The following TNKS variants were observed in gnomAD, a reference collection of about 807,000 sequenced individuals.
TNKS encodes the protein tankyrase.
A neutral mutation model predicts 135.8 loss-of-function variants in TNKS; 72 were observed. The ratio of observed to expected loss-of-function variants is 0.53; its 90% CI spans 0.44 to 0.64. The LOEUF is 0.64. TNKS is among the 30% of genes least tolerant of loss of function. The pLI is 0.00. For synonymous variants in TNKS, 849 were observed against 649.3 expected, an observed-to-expected ratio of 1.31 and a Z score of -4.68; for missense variants, 1,769 against 1,674.0, an observed-to-expected ratio of 1.06 and a Z score of -0.99.
At chr8:9,602,314 C>T (rs1310409550) in intron 2 of TNKS, among the ~76,000 whole-genome samples, 2 of 152,128 alleles carry the variant, frequency 1.3e-5, no homozygotes, top group African/African-American at 2.4e-5. Context: ...GTCTACGTAT[C>T]GCAGGATGAC....
chr8:9,679,874 C>A, intron 3 of TNKS, 77 bp from the exon 4 acceptor site: 1 of 1,187,860 alleles, frequency 8.4e-7, no homozygotes. Context: ...CTATTTAATT[C>A]TCTATTTGCT....
chr8:9,650,096 T>G (rs1207211151), intron 3 of TNKS, among the ~76,000 whole-genome samples: 1 of 152,010 alleles, frequency 6.6e-6, no homozygotes, highest in East Asian at 1.9e-4. Context: ...TTCACCATGT[T>G]GCCCAGGCTG....
chr8:9,619,839 G>A (rs1054835545), intron 3 of TNKS, among the ~76,000 whole-genome samples: 2 of 144,132 alleles, frequency 1.4e-5, no homozygotes, highest in Non-Finnish European at 3.0e-5. Flanking sequence ...CTTCAGATAA[G>A]ACCAACATCT....
chr8:9,773,994 T>C (rs2128844099), intron 26 of TNKS, among the ~76,000 whole-genome samples: 1 of 152,324 alleles, frequency 6.6e-6, no homozygotes, highest in Middle Eastern at 3.4e-3. Flanking sequence ...TTTATGTGTT[T>C]TTGATTGAGG....
At chr8:9,575,417 T>G (rs1282327202) in intron 1 of TNKS, 1 of 985,236 alleles carries the variant, frequency 1.0e-6, no homozygotes, top group African/African-American at 1.7e-5. Flanking sequence ...AACTCTACCC[T>G]ACTAGATATC....
intron 9 of TNKS, among the ~76,000 whole-genome samples, chr8:9,709,258 A>G (rs1804200995): frequency 1.3e-5 from 2 of 152,210 alleles, no homozygotes; most frequent in South Asian, 2.1e-4. Context: ...ACTTAAATAC[A>G]TGTCTCTCAA....
chr8:9,599,091 C>T (rs1308202800), intron 2 of TNKS, among the ~76,000 whole-genome samples: 1 of 151,836 alleles, frequency 6.6e-6, no homozygotes, highest in African/African-American at 2.4e-5. Flanking sequence ...TTGCTTTATT[C>T]CTTATGGACA....
intron 5 of TNKS, among the ~76,000 whole-genome samples, chr8:9,682,624 CTTGT>C (rs1802828995): frequency 6.6e-6 from 1 of 152,000 alleles, no homozygotes; most frequent in Admixed American, 6.6e-5. Context: ...ACTAGCTCTT[CTTGT>C]ATTTTGCACC....
intron 2 of TNKS, among the ~76,000 whole-genome samples, chr8:9,598,530 T>A (rs1035972772): frequency 2.4e-4 from 36 of 151,568 alleles, no homozygotes; most frequent in African/African-American, 8.2e-4. Flanking sequence ...ACTCCATCTT[T>A]ACTAAAAACA....
At chr8:9,634,576 C>A (rs533605705) in intron 3 of TNKS, among the ~76,000 whole-genome samples, 72 of 152,196 alleles carry the variant, frequency 4.7e-4, no homozygotes, top group Non-Finnish European at 9.4e-4. Flanking sequence ...GTGTTGGGAG[C>A]AAGGGCTCTT....
intron 17 of TNKS, among the ~76,000 whole-genome samples, chr8:9,740,593 A>C (rs1276544345): frequency 6.6e-6 from 1 of 152,132 alleles, no homozygotes; most frequent in African/African-American, 2.4e-5. Flanking sequence ...GATATAAATT[A>C]ATTGAAAGTA....
intron 1 of TNKS, among the ~76,000 whole-genome samples, chr8:9,561,464 G>C (rs572873151): frequency 2.0e-5 from 3 of 152,252 alleles, no homozygotes; most frequent in African/African-American, 7.2e-5. Flanking sequence ...TATAAATGCA[G>C]TCATACAATA....
intron 3 of TNKS, among the ~76,000 whole-genome samples, chr8:9,628,062 C>T (rs1257698418): frequency 1.3e-5 from 2 of 152,136 alleles, no homozygotes; most frequent in East Asian, 3.9e-4. Context: ...TCCATCTCAC[C>T]TTCTCAGGAA....
intron 3 of TNKS, among the ~76,000 whole-genome samples, chr8:9,653,465 AT>A (rs1801219530): frequency 6.6e-6 from 1 of 152,044 alleles, no homozygotes; most frequent in Non-Finnish European, 1.5e-5. Context: ...GGGCAGCTGC[AT>A]TTGATCAGCT....
At chr8:9,677,544 C>G (rs1351993571) in intron 3 of TNKS, among the ~76,000 whole-genome samples, 1 of 151,756 alleles carries the variant, frequency 6.6e-6, no homozygotes, top group Non-Finnish European at 1.5e-5. Context: ...TTTTTACTGT[C>G]TATCAGGGAA....
At chr8:9,759,426 A>G (rs2128832492) in intron 20 of TNKS, among the ~76,000 whole-genome samples, 1 of 152,346 alleles carries the variant, frequency 6.6e-6, no homozygotes, top group South Asian at 2.1e-4. Context: ...AGGAGGTAGG[A>G]GAGCACTTTC....
rs1257762195 is a variant in TNKS, at chr8:9,701,054, C to A, written c.1108-3609C>A. Among the ~76,000 whole-genome samples, 4 of 151,984 alleles carry A rather than the reference C, an allele frequency of 2.6e-5. No individual in the cohort carries two copies. In the East Asian group the frequency reaches 7.7e-4, roughly 29 times the overall value. On this transcript the variant is annotated intron_variant, in intron 5 of 26. Coordinates refer to ENST00000310430, the MANE Select transcript of TNKS (RefSeq NM_003747.3). ...GTTCATACCATTCTCCTGCCTCAGC[C>A]TCCCAAGTCGCTGGGACTACAGGTG...
intron 1 of TNKS, among the ~76,000 whole-genome samples, chr8:9,567,384 G>C (rs1244527582): frequency 1.3e-5 from 2 of 152,158 alleles, no homozygotes; most frequent in African/African-American, 4.8e-5. Flanking sequence ...CTAAATGGAA[G>C]AAGGAAGGAT....
chr8:9,576,917 AAC>A (rs1215922630), intron 1 of TNKS, among the ~76,000 whole-genome samples: 1 of 152,198 alleles, frequency 6.6e-6, no homozygotes, highest in Non-Finnish European at 1.5e-5. Context: ...TAAATATAGA[AAC>A]ACAAGTGTTT....
Sources: allele counts gnomAD v4.1 joint callset (sites outside exome capture counted in the v4.1 genomes callset), GRCh38; gene constraint gnomAD v4.1.1; transcripts MANE v1.5; gene names NCBI Gene and HGNC (gene_info 2026-07-23, HGNC 2026-07-21).